The following TMPRSS15 variants were observed in gnomAD, a reference collection of about 807,000 sequenced individuals.
TMPRSS15 encodes the protein enteropeptidase.
TMPRSS15 carries 128 observed loss-of-function variants against 125.3 expected under a neutral mutation model. The observed-to-expected ratio is 1.02, with a 90% confidence interval of 0.89 to 1.18. TMPRSS15 has a LOEUF of 1.18. TMPRSS15 is among the 50% of genes most tolerant of loss of function. The pLI is 0.00. For missense variants in TMPRSS15, 1,283 were observed against 1,212.7 expected, an observed-to-expected ratio of 1.06 and a Z score of -0.86; for synonymous variants, 446 against 423.2, an observed-to-expected ratio of 1.05 and a Z score of -0.66.
At chr21:18,386,958 A>C (rs560353382) in intron 3 of TMPRSS15, among the ~76,000 whole-genome samples, 4 of 152,316 alleles carry the variant, frequency 2.6e-5, no homozygotes, top group African/African-American at 9.6e-5. Context: ...CAGGCATAAA[A>C]CATTTTTCTT....
intron 19 of TMPRSS15, among the ~76,000 whole-genome samples, chr21:18,295,987 C>T (rs1276200844): frequency 6.6e-6 from 1 of 152,112 alleles, no homozygotes; most frequent in Non-Finnish European, 1.5e-5. Context: ...CCCGTCTCTA[C>T]TAAAAATACA....
At chr21:18,423,752 C>G (rs984763286) in intron 1 of TMPRSS15, among the ~76,000 whole-genome samples, 1 of 152,034 alleles carries the variant, frequency 6.6e-6, no homozygotes, top group African/African-American at 2.4e-5. Flanking sequence ...TCAGTGGTTC[C>G]GCTTCCCTAG....
At chr21:18,348,209 T>A (rs1340723950) in intron 10 of TMPRSS15, among the ~76,000 whole-genome samples, 1 of 152,008 alleles carries the variant, frequency 6.6e-6, no homozygotes, top group East Asian at 1.9e-4. Flanking sequence ...CCCCAGAAAA[T>A]TGAATACACT....
At chr21:18,364,865 C>T (rs2075711214) in intron 7 of TMPRSS15, among the ~76,000 whole-genome samples, 1 of 152,120 alleles carries the variant, frequency 6.6e-6, no homozygotes, top group Non-Finnish European at 1.5e-5. Flanking sequence ...TTTGCCTGGC[C>T]GCACATGAAT....
At chr21:18,355,874 G>A (rs1353557024) in intron 8 of TMPRSS15, among the ~76,000 whole-genome samples, 1 of 151,794 alleles carries the variant, frequency 6.6e-6, no homozygotes, top group African/African-American at 2.4e-5. Context: ...CAAAGCATAG[G>A]AGATTTTTAA....
At chr21:18,393,916 AAT>A (rs1418935870) in intron 3 of TMPRSS15, among the ~76,000 whole-genome samples, 1 of 152,222 alleles carries the variant, frequency 6.6e-6, no homozygotes, top group Non-Finnish European at 1.5e-5. Context: ...TGAGCTCTTT[AAT>A]AAAAGACTTT....
rs747471398 is a variant in TMPRSS15, at chr21:18,353,061, GA to G, written c.1022-10del. 23 of 1,600,748 alleles carry G rather than the reference GA, an allele frequency of 1.4e-5. No individual in the cohort carries two copies. The East Asian group carries it at 2.0e-4, about 14-fold the overall frequency. ...ATTAATTTTCTCATAATCTGTGAAT[GA>G]AAAAAAAGAAGGAATAAAAAAAATT... On this transcript the variant is annotated splice_polypyrimidine_tract_variant and intron_variant, in intron 9 of 24. Coordinates refer to ENST00000284885, the MANE Select transcript of TMPRSS15 (RefSeq NM_002772.3).
chr21:18,375,481 A>C (rs1021990416), intron 5 of TMPRSS15, among the ~76,000 whole-genome samples: 2 of 152,314 alleles, frequency 1.3e-5, no homozygotes, highest in South Asian at 4.1e-4. Context: ...TCCCAACAGA[A>C]AATTTTTAGG....
intron 1 of TMPRSS15, among the ~76,000 whole-genome samples, chr21:18,464,669 A>G (rs1666291448): frequency 6.6e-6 from 1 of 152,190 alleles, no homozygotes; most frequent in South Asian, 2.1e-4. Context: ...GAAAAAATGG[A>G]TAAATTCCTG....
intron 18 of TMPRSS15, among the ~76,000 whole-genome samples, chr21:18,311,284 C>T (rs1024543592): frequency 6.6e-5 from 10 of 152,144 alleles, no homozygotes; most frequent in East Asian, 5.8e-4. Flanking sequence ...GAATAACCAA[C>T]GAAGTGAAGA....
At chr21:18,270,155 G>GAT (rs763597423) in intron 24 of TMPRSS15, 31 bp from the exon 25 acceptor site, 2 of 1,595,538 alleles carry the variant, frequency 1.3e-6, no homozygotes, top group Non-Finnish European at 1.7e-6. Flanking sequence ...CAAAATTGTA[G>GAT]ATATGTGGTC....
intron 16 of TMPRSS15, among the ~76,000 whole-genome samples, chr21:18,319,719 G>A (rs965258226): frequency 3.3e-5 from 5 of 152,154 alleles, no homozygotes; most frequent in African/African-American, 9.7e-5. Flanking sequence ...GTGAGCCACC[G>A]CGCCCGGCCT....
intron 3 of TMPRSS15, among the ~76,000 whole-genome samples, chr21:18,388,354 G>C (rs1357352031): frequency 6.6e-6 from 1 of 152,134 alleles, no homozygotes; most frequent in African/African-American, 2.4e-5. Context: ...TGGTGATTTT[G>C]TCATCTAGAG....
intron 10 of TMPRSS15, among the ~76,000 whole-genome samples, chr21:18,348,177 T>C (rs903566227): frequency 6.6e-6 from 1 of 151,400 alleles, no homozygotes; most frequent in Non-Finnish European, 1.5e-5. Flanking sequence ...AGAGTGATCC[T>C]GTCTCTAAAC....
At chr21:18,472,509 A>G (rs1978802413) in intron 1 of TMPRSS15, among the ~76,000 whole-genome samples, 1 of 151,210 alleles carries the variant, frequency 6.6e-6, no homozygotes, top group African/African-American at 2.4e-5. Flanking sequence ...ACACACATAT[A>G]TAATCATTTA....
chr21:18,388,674 T>A lies in TMPRSS15; in HGVS notation c.345-4896A>T, dbSNP rs190283844. On this transcript the variant is annotated intron_variant, in intron 3 of 24. Coordinates refer to ENST00000284885, the MANE Select transcript of TMPRSS15 (RefSeq NM_002772.3). Reference sequence around the variant, plus strand: ...AAATAAATCTGAATTGATGCTTTACTGCAGCTCTCCAGACTCAATCCTCTA... The same window carrying A: ...AAATAAATCTGAATTGATGCTTTACAGCAGCTCTCCAGACTCAATCCTCTA... 2.0e-5 allele frequency among the ~76,000 whole-genome samples: 3 copies of A among 152,282 alleles called. No homozygotes were observed. The East Asian group carries it at 5.8e-4, about 29-fold the overall frequency.
In TMPRSS15 at chr21:18,365,645, TCCTCCCTTCC is replaced by T. The variant is rs1422816492; in HGVS notation, c.665-407_665-398del. 9.7e-3 allele frequency among the ~76,000 whole-genome samples: 1,000 copies of T among 102,896 alleles called. 48 individuals carry two copies. Among genetic ancestry groups the T allele is most frequent in the African/African-American group, 0.034 (837 of 24,832 alleles). 67.5% of individuals were successfully genotyped at this position (102,896 alleles called of 152,430 possible). On this transcript the variant is annotated intron_variant, in intron 6 of 24. Coordinates refer to ENST00000284885, the MANE Select transcript of TMPRSS15 (RefSeq NM_002772.3). ...CTTTCTTTCTCTTTCTCTCTCTTTT[TCCTCCCTTCC>T]TTCCTTCCTTCCTTCCTTCCTTCCT...
chr21:18,470,188 A>G (rs1247562918), intron 1 of TMPRSS15, among the ~76,000 whole-genome samples: 1 of 152,030 alleles, frequency 6.6e-6, no homozygotes, highest in Non-Finnish European at 1.5e-5. Context: ...TAAGGCCTTG[A>G]CATCAAGAAA....
chr21:18,387,437 C>G (rs1239757810), intron 3 of TMPRSS15, among the ~76,000 whole-genome samples: 1 of 152,064 alleles, frequency 6.6e-6, no homozygotes, highest in Non-Finnish European at 1.5e-5. Context: ...TATCTGTGCT[C>G]AAAGGGCAAA....
Sources: gnomAD v4.1 joint callset for allele counts (sites outside exome capture counted in the v4.1 genomes callset) on GRCh38, gnomAD v4.1.1 for gene constraint, MANE v1.5 for transcripts, NCBI Gene and HGNC (gene_info 2026-07-23, HGNC 2026-07-21) for gene names.